RBFOX1: variants seen among roughly 807,000 people sequenced by gnomAD.
RBFOX1 encodes the protein RNA binding protein fox-1 homolog 1.
RBFOX1 carries 8 observed loss-of-function variants against 57.7 expected under a neutral mutation model. The ratio of observed to expected loss-of-function variants is 0.14; its 90% CI spans 0.08 to 0.25. RBFOX1 has a LOEUF of 0.25. Among genes scored for constraint, RBFOX1 ranks in the 10% least tolerant of loss-of-function variants. RBFOX1 has a pLI of 1.00. For synonymous variants in RBFOX1, 326 were observed against 222.4 expected (o/e 1.47, Z -4.15); for missense variants, 611 against 548.5 (o/e 1.11, Z -1.14).
intron 3 of RBFOX1, among the ~76,000 whole-genome samples, chr16:5,697,446 A>G (rs967199644): frequency 2.6e-5 from 4 of 151,078 alleles, no homozygotes; most frequent in African/African-American, 4.8e-5. Flanking sequence ...TGTAGATGCC[A>G]TATTTATTGC....
chr16:5,972,512 A>C (rs577401351), intron 4 of RBFOX1, among the ~76,000 whole-genome samples: 1 of 152,310 alleles, frequency 6.6e-6, no homozygotes, highest in East Asian at 1.9e-4. Context: ...TTTCTGGGAA[A>C]GGGAAGGGGA....
At chr16:5,496,580 TTCTC>T (rs933450270) in intron 2 of RBFOX1, among the ~76,000 whole-genome samples, 1 of 152,144 alleles carries the variant, frequency 6.6e-6, no homozygotes, top group African/African-American at 2.4e-5. Context: ...AAGCTTGCTT[TTCTC>T]TCTCTCTTAG....
At chr16:5,364,529 C>A (rs770387694) in intron 1 of RBFOX1, among the ~76,000 whole-genome samples, 2 of 152,218 alleles carry the variant, frequency 1.3e-5, no homozygotes, top group African/African-American at 4.8e-5. Flanking sequence ...TAGGGACGTC[C>A]TTCTATGTTT....
intron 5 of RBFOX1, among the ~76,000 whole-genome samples, chr16:7,535,220 C>A (rs1047651433): frequency 6.6e-6 from 1 of 152,110 alleles, no homozygotes; most frequent in Non-Finnish European, 1.5e-5. Flanking sequence ...TTGCAAACAG[C>A]CCTTATGAAA....
At chr16:7,693,210 C>T in intron 14 of RBFOX1, 2 of 880,934 alleles carry the variant, frequency 2.3e-6, no homozygotes, top group Non-Finnish European at 3.8e-6. Flanking sequence ...CATCCATTCA[C>T]ACGCAGCACC....
intron 3 of RBFOX1, among the ~76,000 whole-genome samples, chr16:5,773,464 C>A (rs1464360672): frequency 6.6e-6 from 1 of 152,178 alleles, no homozygotes; most frequent in African/African-American, 2.4e-5. Flanking sequence ...GTTTCATATT[C>A]TGTGTCGTAG....
chr16:5,432,634 G>A (rs1442390210), intron 1 of RBFOX1, among the ~76,000 whole-genome samples: 3 of 137,948 alleles, frequency 2.2e-5, no homozygotes, highest in East Asian at 2.1e-4. Flanking sequence ...AAATCACTTC[G>A]CTTTTTTCTG....
rs1596665804 is a variant in RBFOX1, at chr16:6,047,131, G to A, written c.-127+27139G>A. ...GATTAGTTGGCTAATGAGCCTTGAG[G>A]GGCAGGAAAAAATGGACTATAAAAC... On this transcript the variant is annotated intron_variant, in intron 1 of 15. Transcript: ENST00000550418. Among the ~76,000 whole-genome samples, 8 of 152,286 alleles carry A rather than the reference G, an allele frequency of 5.3e-5. No homozygotes were observed. In the South Asian group the frequency reaches 1.7e-3, roughly 32 times the overall value.
chr16:7,243,935 C>T (rs892615042), intron 4 of RBFOX1, among the ~76,000 whole-genome samples: 3 of 151,736 alleles, frequency 2.0e-5, no homozygotes, highest in African/African-American at 7.3e-5. Context: ...TTAAGAGATT[C>T]ATTAAACCTC....
chr16:7,448,927 G>GTTTTTTTTTTTTTTTTTTTTTT (rs71147700), intron 4 of RBFOX1, among the ~76,000 whole-genome samples: 2 of 82,964 alleles, frequency 2.4e-5, no homozygotes, highest in African/African-American at 9.2e-5. Flanking sequence ...TCTTTCCCCT[G>GTTTTTTTTTTTTTTTTTTTTTT]TTTTTTTTTT....
chr16:5,486,934 C>T (rs1180098593), intron 2 of RBFOX1, among the ~76,000 whole-genome samples: 1 of 152,134 alleles, frequency 6.6e-6, no homozygotes, highest in Non-Finnish European at 1.5e-5. Flanking sequence ...GACCTGATTC[C>T]CTTCTTCTTC....
intron 3 of RBFOX1, among the ~76,000 whole-genome samples, chr16:6,833,188 C>T (rs72766789): frequency 0.067 from 10,184 of 150,880 alleles, 507 homozygotes; most frequent in Non-Finnish European, 0.11. Context: ...TTTACTGAGA[C>T]GGGGTCTTTT....
chr16:7,443,492 G>C (rs919110373), intron 4 of RBFOX1, among the ~76,000 whole-genome samples: 2 of 151,556 alleles, frequency 1.3e-5, no homozygotes, highest in African/African-American at 4.9e-5. Context: ...TGACTGGTAG[G>C]CTAAGAACCT....
At chr16:5,835,686 C>A (rs139836281) in intron 3 of RBFOX1, among the ~76,000 whole-genome samples, 43 of 152,332 alleles carry the variant, frequency 2.8e-4, no homozygotes, top group African/African-American at 9.9e-4. Flanking sequence ...ATGAGGAAAA[C>A]AGTCTCATCT....
chr16:7,038,284 C>T (rs895481772), intron 3 of RBFOX1, among the ~76,000 whole-genome samples: 8 of 152,060 alleles, frequency 5.3e-5, no homozygotes, highest in African/African-American at 1.9e-4. Context: ...TTAGACTGAG[C>T]AAGGGTTTGG....
rs75261462 is a variant in RBFOX1 at position 6,087,067 on chromosome 16, T to A, written c.-127+67075T>A. On this transcript the variant is annotated intron_variant, in intron 1 of 15. Transcript: ENST00000550418. ...GTGAGACGGATTGATATCCACAATG[T>A]CCCAAAAGGAAAAGAGACAAATTTG... Among the ~76,000 whole-genome samples, 126 of 152,204 alleles carry A rather than the reference T, an allele frequency of 8.3e-4. No homozygotes were observed. The East Asian group carries it at 0.023, about 28-fold the overall frequency.
At chr16:6,414,403 A>G (rs1780246326) in intron 2 of RBFOX1, among the ~76,000 whole-genome samples, 1 of 152,092 alleles carries the variant, frequency 6.6e-6, no homozygotes, top group Non-Finnish European at 1.5e-5. Context: ...TGTGTTGTCT[A>G]CTCTGCCCCA....
intron 2 of RBFOX1, among the ~76,000 whole-genome samples, chr16:6,620,697 A>G (rs953935159): frequency 6.6e-6 from 1 of 152,200 alleles, no homozygotes; most frequent in Admixed American, 6.5e-5. Context: ...ACAGAAATAC[A>G]AACAACCATC....
intron 3 of RBFOX1, among the ~76,000 whole-genome samples, chr16:6,906,832 C>G (rs1425080942): frequency 6.6e-6 from 1 of 151,518 alleles, no homozygotes; most frequent in Non-Finnish European, 1.5e-5. Flanking sequence ...AAGCAATTCT[C>G]CTGCCTCAGC....
Sources: allele counts gnomAD v4.1 joint callset (sites outside exome capture counted in the v4.1 genomes callset), GRCh38; gene constraint gnomAD v4.1.1; transcripts MANE v1.5; gene names NCBI Gene and HGNC (gene_info 2026-07-23, HGNC 2026-07-21).